Variants in E2F7 observed in about 807,000 individuals in gnomAD.
The protein encoded by E2F7 is E2F transcription factor 7, also known as transcription factor E2F7.
In E2F7, 35 loss-of-function variants were observed where a neutral mutation model predicts 81.1. The ratio of observed to expected loss-of-function variants is 0.43; its 90% CI spans 0.33 to 0.57. The LOEUF (loss-of-function observed/expected upper bound fraction) is 0.57. Ranked by LOEUF, E2F7 falls within the 20% of genes least tolerant of loss-of-function variation. The probability of loss-of-function intolerance (pLI) is 0.04; values close to 1 mark genes in which losing one functional copy is unlikely to be tolerated. For synonymous variants in E2F7, 416 were observed against 416.2 expected (o/e 1.00, Z 0.01); for missense variants, 961 against 1,093.7 (o/e 0.88, Z 1.71).
chr12:77,064,778 A>G, intron 1 of E2F7, 143 bp from the exon 2 acceptor site: 1 of 649,638 alleles, frequency 1.5e-6, no homozygotes, highest in South Asian at 2.1e-5. Flanking sequence ...CAGGAGTTGT[A>G]GCCACCCTCA....
At chr12:77,057,742 A>G (rs1955044459) in intron 2 of E2F7, among the ~76,000 whole-genome samples, 1 of 152,224 alleles carries the variant, frequency 6.6e-6, no homozygotes, top group Non-Finnish European at 1.5e-5. Context: ...AAAGTTTCAA[A>G]AATTCAATAT....
In E2F7 at chr12:77,030,815, A is replaced by T. The variant is rs962045287; in HGVS notation, c.1383-483T>A. 2.4e-4 allele frequency among the ~76,000 whole-genome samples: 36 copies of T among 152,270 alleles called. No individual in the cohort carries two copies. In the East Asian group the frequency reaches 6.6e-3, roughly 28 times the overall value. ...GCTCTGAAGTGAGAAGCTGGGCCCCATGCCCACATCTGTTTGATGGCAAAA... is the reference window on the plus strand; with the variant it reads ...GCTCTGAAGTGAGAAGCTGGGCCCCTTGCCCACATCTGTTTGATGGCAAAA... On this transcript the variant is annotated intron_variant, in intron 9 of 12. Transcript: ENST00000322886.
chr12:77,024,266 C>A, intron 12 of E2F7, 81 bp from the exon 13 acceptor site: 1 of 1,468,290 alleles, frequency 6.8e-7, no homozygotes. Context: ...CTTTCTTGAC[C>A]TGTGTGTTAG....
At chr12:77,057,121 C>T (rs1353361333) in intron 2 of E2F7, among the ~76,000 whole-genome samples, 1 of 152,010 alleles carries the variant, frequency 6.6e-6, no homozygotes, top group African/African-American at 2.4e-5. Flanking sequence ...GGCATGATCA[C>T]AGCTAACTGC....
intron 2 of E2F7, among the ~76,000 whole-genome samples, chr12:77,058,638 G>A (rs998202549): frequency 1.3e-5 from 2 of 152,174 alleles, no homozygotes; most frequent in Non-Finnish European, 2.9e-5. Flanking sequence ...AGTGTGGCAA[G>A]TTCCTGTACC....
At chr12:77,042,330 T>G (rs1032086259) in intron 7 of E2F7, among the ~76,000 whole-genome samples, 6 of 152,214 alleles carry the variant, frequency 3.9e-5, no homozygotes, top group African/African-American at 1.4e-4. Flanking sequence ...GGTGGAGAGC[T>G]ATATATTTAT....
At position 77,029,944 on chromosome 12, in the gene E2F7, A is replaced by C; in HGVS notation, c.1771T>G (p.Ser591Ala). 1 of 1,614,176 alleles carries C rather than the reference A, an allele frequency of 6.2e-7. No homozygotes were observed. The highest frequency in any genetic ancestry group is 8.5e-7 in the Non-Finnish European group (1 of 1,180,038). The change falls in exon 10 of 13, where the codon TCA becomes GCA. Residue 591 changes from serine (S) to alanine (A), a missense_variant. Transcript: ENST00000322886. ...TCCTCACAGAGGCGCTTCTGAGCTG[A>C]GGGTGCAGATGACAGCTCTACTGTG... ...PATVELSSAP[S>A]AQKRLCEERK... is the part of the protein sequence containing the mutation.
intron 9 of E2F7, 140 bp from the exon 10 acceptor site, chr12:77,030,472 G>A: frequency 3.7e-6 from 4 of 1,076,688 alleles, no homozygotes; most frequent in Non-Finnish European, 5.2e-6. Flanking sequence ...CTGAGCACGT[G>A]TTAGCTCATC....
rs948894170 is a variant in E2F7, at chr12:77,029,178, G to A, written c.1884+653C>T. Among the ~76,000 whole-genome samples, 5 of 151,984 alleles carry A rather than the reference G, an allele frequency of 3.3e-5. 1 individual carries two copies. The South Asian group carries it at 6.2e-4, about 19-fold the overall frequency. ...ATGAGAAAAATTCACTCTGGTAAGA[G>A]AAAAAAAATAGAGAAAGGTTCTTAA... On this transcript the variant is annotated intron_variant, in intron 10 of 12. Coordinates refer to ENST00000322886, the MANE Select transcript of E2F7 (RefSeq NM_203394.3).
Position 77,027,892 on chromosome 12 carries a change from A to G in E2F7, c.2131T>C (p.Ser711Pro). Residue 711 changes from serine (S) to proline (P), a missense_variant, in exon 11 of 13, where the codon TCT becomes CCT. This residue lies in a region of E2F7 where 587 missense variants were observed against 620.3 expected (regional missense o/e 0.95). Coordinates refer to ENST00000322886, the MANE Select transcript of E2F7 (RefSeq NM_203394.3). ...PSLLQYLCVQ[S>P]PAGLNGFNVL... ...TGATGACATCCCTTACCTGCAGGAG[A>G]CTGCACACAAAGATATTGTAGCAAA... The G allele has an allele frequency of 1.2e-6, 2 of 1,614,080 alleles. No homozygotes were observed. Among genetic ancestry groups the G allele is most frequent in the South Asian group, 1.1e-5 (1 of 91,076 alleles).
intron 7 of E2F7, 137 bp downstream of exon 7, chr12:77,042,928 C>A: frequency 7.3e-7 from 1 of 1,364,756 alleles, no homozygotes; most frequent in South Asian, 1.4e-5. Context: ...TTAACTGTTC[C>A]AAGAGTGGAG....
At chr12:77,042,505 TAGA>T (rs1232774395) in intron 7 of E2F7, among the ~76,000 whole-genome samples, 2 of 152,180 alleles carry the variant, frequency 1.3e-5, no homozygotes, top group African/African-American at 4.8e-5. Flanking sequence ...ATGAAATAAG[TAGA>T]AGATTAATAT....
intron 7 of E2F7, among the ~76,000 whole-genome samples, chr12:77,038,041 C>T (rs951600099): frequency 3.9e-5 from 6 of 152,062 alleles, no homozygotes; most frequent in Admixed American, 1.3e-4. Context: ...AGAATTATCT[C>T]CAGGAATAAA....
chr12:77,050,621 T>C lies in E2F7; in HGVS notation c.493A>G (p.Thr165Ala), dbSNP rs777759455. 1.2e-6 allele frequency: 2 copies of C among 1,614,084 alleles called. No homozygotes were observed. Among genetic ancestry groups the C allele is most frequent in the South Asian group, 1.1e-5 (1 of 91,078 alleles). Residue 165 changes from threonine to alanine, a missense_variant, in exon 4 of 13, where the codon ACT becomes GCT. Transcript: ENST00000322886. ...LARYPSYPLS[T>A]EKTTISLDEV... ...TCTAGGGAGATGGTAGTTTTCTCAG[T>C]TGACAAGGGATAACTTGGATAGCGA...
At chr12:77,030,433 C>T (rs538387855) in intron 9 of E2F7, 101 bp from the exon 10 acceptor site, 60 of 1,418,328 alleles carry the variant, frequency 4.2e-5, no homozygotes, top group Non-Finnish European at 5.4e-5. Flanking sequence ...TGAGATAATA[C>T]TCCTCAGGCA....
chr12:77,065,164 C>T (rs1487166596), intron 1 of E2F7, among the ~76,000 whole-genome samples, 181 bp downstream of exon 1: 2 of 152,214 alleles, frequency 1.3e-5, no homozygotes, highest in East Asian at 1.9e-4. Flanking sequence ...ATCCCCTCTA[C>T]TGCCGGGCCG....
At chr12:77,024,483 T>C (rs558979608) in intron 12 of E2F7, among the ~76,000 whole-genome samples, 2 of 152,274 alleles carry the variant, frequency 1.3e-5, no homozygotes, top group African/African-American at 4.8e-5. Context: ...TGTCCCTCAG[T>C]TTCTTCCTCC....
In E2F7 at chr12:77,030,304, C is replaced by T. The variant is rs141408240; in HGVS notation, c.1411G>A (p.Val471Met). ...QGKAFASKRV[V>M]PPSSSLDPVA... Reference sequence around the variant, plus strand: ...GGGTCCAAGCTGCTTGATGGAGGCACCACTCTCTTACTGGCAAAGGCTTTT... The same window carrying T: ...GGGTCCAAGCTGCTTGATGGAGGCATCACTCTCTTACTGGCAAAGGCTTTT... The change falls in exon 10 of 13, where the codon GTG becomes ATG. Residue 471 changes from valine to methionine, a missense_variant. By Grantham distance (21) the Val-to-Met change is conservative. Around this residue, in one of 3 missense-constraint regions of E2F7, gnomAD observed 587 missense variants for 620.3 expected, o/e 0.95. Transcript: ENST00000322886. 4 of 1,565,242 alleles carry T rather than the reference C, an allele frequency of 2.6e-6. No homozygotes were observed. Among genetic ancestry groups the T allele is most frequent in the Non-Finnish European group, 3.5e-6 (4 of 1,155,060 alleles).
At chr12:77,028,473 CT>C (rs200375377) in intron 10 of E2F7, among the ~76,000 whole-genome samples, 76 of 143,680 alleles carry the variant, frequency 5.3e-4, no homozygotes, top group East Asian at 1.0e-3. Flanking sequence ...ATTAGTAAAT[CT>C]TTTTTTTTTT....
Sources: allele counts gnomAD v4.1 joint callset (sites outside exome capture counted in the v4.1 genomes callset), GRCh38; gene constraint gnomAD v4.1.1; regional missense constraint gnomAD v4.1.1; transcripts MANE v1.5; gene names NCBI Gene and HGNC (gene_info 2026-07-23, HGNC 2026-07-21).